SPAG16: variants seen among roughly 807,000 people sequenced by gnomAD.
SPAG16 encodes the protein sperm-associated antigen 16 protein.
In SPAG16, 86 loss-of-function variants were observed where a neutral mutation model predicts 80.4. The ratio of observed to expected loss-of-function variants is 1.07; its 90% CI spans 0.90 to 1.28. The LOEUF is 1.28. SPAG16 is among the 50% of genes most tolerant of loss of function. The probability of loss-of-function intolerance (pLI) is 0.00; values close to 1 mark genes in which losing one functional copy is unlikely to be tolerated. For synonymous variants in SPAG16, 294 were observed against 265.9 expected (o/e 1.11, Z -1.03); for missense variants, 870 against 765.3 (o/e 1.14, Z -1.61).
chr2:213,969,205 GCTATTA>G (rs1271435060), intron 12 of SPAG16, among the ~76,000 whole-genome samples: 2 of 152,180 alleles, frequency 1.3e-5, no homozygotes, highest in African/African-American at 2.4e-5. Flanking sequence ...CAGACAGAGA[GCTATTA>G]ATAGGAGTTT....
chr2:213,718,970 C>T lies in SPAG16; in HGVS notation c.1071-143515C>T, dbSNP rs182599199. Among the ~76,000 whole-genome samples, 553 of 152,320 alleles carry T rather than the reference C, an allele frequency of 3.6e-3. 3 individuals carry two copies. Among genetic ancestry groups the T allele is most frequent in the African/African-American group, 0.012 (515 of 41,564 alleles). On this transcript the variant is annotated intron_variant, in intron 10 of 15. Coordinates refer to ENST00000331683, the MANE Select transcript of SPAG16 (RefSeq NM_024532.5). ...GCTGGGCTCCTGAGTCTGGTGGGGACGTGGAGTCTTTATATCTAGTTCAGG... is the reference window on the plus strand; with the variant it reads ...GCTGGGCTCCTGAGTCTGGTGGGGATGTGGAGTCTTTATATCTAGTTCAGG...
intron 10 of SPAG16, among the ~76,000 whole-genome samples, chr2:213,709,888 T>C (rs1354975617): frequency 6.6e-6 from 1 of 152,236 alleles, no homozygotes; most frequent in Non-Finnish European, 1.5e-5. Context: ...AAAGGCTATA[T>C]TTTATTTTTT....
intron 14 of SPAG16, among the ~76,000 whole-genome samples, chr2:214,139,349 ACTTTTTT>A (rs1042509942): frequency 6.6e-6 from 1 of 151,792 alleles, no homozygotes; most frequent in Non-Finnish European, 1.5e-5. Flanking sequence ...CTTAATTATG[ACTTTTTT>A]CTTTGTGATT....
At chr2:213,882,870 T>G (rs888474184) in intron 11 of SPAG16, among the ~76,000 whole-genome samples, 1 of 152,168 alleles carries the variant, frequency 6.6e-6, no homozygotes, top group Non-Finnish European at 1.5e-5. Flanking sequence ...TTTGTTTTTC[T>G]TTTTGTTTTT....
intron 13 of SPAG16, among the ~76,000 whole-genome samples, chr2:214,076,513 C>A (rs906617510): frequency 7.0e-6 from 1 of 143,348 alleles, no homozygotes; most frequent in East Asian, 2.2e-4. Context: ...TTATTTTATT[C>A]TGTGTGTGTG....
chr2:214,360,143 T>C (rs1244760284), intron 15 of SPAG16, among the ~76,000 whole-genome samples: 1 of 151,912 alleles, frequency 6.6e-6, no homozygotes. Context: ...ATTATTGTAA[T>C]ATGAGATGAA....
At chr2:213,993,047 A>G (rs957594433) in intron 12 of SPAG16, among the ~76,000 whole-genome samples, 2 of 152,190 alleles carry the variant, frequency 1.3e-5, no homozygotes, top group Non-Finnish European at 2.9e-5. Context: ...CACAAACACA[A>G]GTGGATCATG....
intron 13 of SPAG16, among the ~76,000 whole-genome samples, chr2:214,107,486 G>T (rs1026530773): frequency 6.6e-6 from 1 of 152,068 alleles, no homozygotes; most frequent in Non-Finnish European, 1.5e-5. Flanking sequence ...GAACACTGGT[G>T]TTCAAAATGA....
intron 15 of SPAG16, among the ~76,000 whole-genome samples, chr2:214,171,891 G>C (rs1274267092): frequency 6.6e-6 from 1 of 151,632 alleles, no homozygotes; most frequent in Non-Finnish European, 1.5e-5. Flanking sequence ...GTATATTTGA[G>C]ATTTACAACA....
intron 9 of SPAG16, among the ~76,000 whole-genome samples, chr2:213,417,046 A>G (rs1327962015): frequency 6.6e-6 from 1 of 152,160 alleles, no homozygotes; most frequent in Non-Finnish European, 1.5e-5. Flanking sequence ...GCAGAGGCAC[A>G]TTGACTCGTG....
At chr2:213,703,496 C>T (rs994995796) in intron 10 of SPAG16, among the ~76,000 whole-genome samples, 1 of 152,180 alleles carries the variant, frequency 6.6e-6, no homozygotes, top group Non-Finnish European at 1.5e-5. Flanking sequence ...GCAGATTCCT[C>T]AATTCCATAT....
intron 13 of SPAG16, among the ~76,000 whole-genome samples, chr2:214,102,469 G>C (rs909897594): frequency 6.6e-6 from 1 of 151,990 alleles, no homozygotes; most frequent in African/African-American, 2.4e-5. Flanking sequence ...GTAAGGTCCC[G>C]AATGGCAGCT....
At chr2:213,588,673 G>A (rs1353548567) in intron 10 of SPAG16, among the ~76,000 whole-genome samples, 1 of 150,682 alleles carries the variant, frequency 6.6e-6, no homozygotes, top group Non-Finnish European at 1.5e-5. Context: ...GCGGTGGCGG[G>A]CGCCTGTAGT....
intron 10 of SPAG16, among the ~76,000 whole-genome samples, chr2:213,689,606 A>G (rs142859842): frequency 9.3e-4 from 126 of 134,982 alleles, no homozygotes; most frequent in Middle Eastern, 5.4e-3. Flanking sequence ...CAATAGCCAT[A>G]TGAATTAATA....
intron 10 of SPAG16, among the ~76,000 whole-genome samples, chr2:213,739,758 C>A (rs969528153): frequency 6.6e-6 from 1 of 152,068 alleles, no homozygotes; most frequent in East Asian, 1.9e-4. Flanking sequence ...TGGGCCACCA[C>A]GGCCAGCTAA....
intron 15 of SPAG16, among the ~76,000 whole-genome samples, chr2:214,366,366 C>G (rs1279483502): frequency 6.6e-6 from 1 of 152,174 alleles, no homozygotes; most frequent in East Asian, 1.9e-4. Flanking sequence ...GAGCTTCTAC[C>G]AGTAGACTTT....
At chr2:214,060,436 T>G (rs1226654791) in intron 13 of SPAG16, among the ~76,000 whole-genome samples, 1 of 147,734 alleles carries the variant, frequency 6.8e-6, no homozygotes, top group African/African-American at 2.7e-5. Context: ...TCAGTAAGAT[T>G]ATGGGTTACT....
chr2:213,394,412 A>G (rs1265986910), intron 9 of SPAG16, among the ~76,000 whole-genome samples: 5 of 152,180 alleles, frequency 3.3e-5, no homozygotes. Context: ...ATACATATGT[A>G]AGATATAAAT....
chr2:213,462,357 G>C (rs796144258), intron 9 of SPAG16, among the ~76,000 whole-genome samples: 1 of 152,222 alleles, frequency 6.6e-6, no homozygotes, highest in Non-Finnish European at 1.5e-5. Flanking sequence ...AAGCACCTCA[G>C]TGCAATCTCT....
Sources: gnomAD v4.1 joint callset for allele counts (sites outside exome capture counted in the v4.1 genomes callset) on GRCh38, gnomAD v4.1.1 for gene constraint, MANE v1.5 for transcripts, NCBI Gene and HGNC (gene_info 2026-07-23, HGNC 2026-07-21) for gene names.